Variants in APOL4 observed in about 807,000 individuals in gnomAD.
APOL4 encodes apolipoprotein L, 4.
Under a neutral mutation model 12.1 loss-of-function variants are expected in APOL4, and 14 were observed. That is an observed-to-expected ratio of 1.16 (90% CI 0.76 to 1.81). The LOEUF (loss-of-function observed/expected upper bound fraction) is 1.81. Ranked by LOEUF, APOL4 falls within the 40% of genes most tolerant of loss-of-function variation. The pLI, the probability that APOL4 is intolerant of heterozygous loss-of-function variation, is 0.00. For synonymous variants in APOL4, 171 were observed against 160.6 expected (o/e 1.06, Z -0.49); for missense variants, 432 against 423.1 (o/e 1.02, Z -0.18).
intron 3 of APOL4, among the ~76,000 whole-genome samples, 192 bp from the exon 4 acceptor site, chr22:36,192,104 G>T (rs1006930947): frequency 2.6e-5 from 4 of 152,216 alleles, no homozygotes; most frequent in African/African-American, 9.6e-5. Context: ...ACTTTGGGAG[G>T]CCGAGATGGG....
chr22:36,191,606 C>A lies in APOL4; in HGVS notation c.516G>T (p.Gly172=). The stretch of plus-strand genomic sequence containing the variant: ...TGGCAGATGCTATTCCCAGCCCTAC[C>A]CCAGCTGCAGTAATGCTCAGGCTCA... The part of the protein sequence containing the change: ...AGLSLSITAA[G]VGLGIASATA... The change falls in exon 4 of 4, where the codon GGG becomes GGT. Residue 172 remains glycine, a synonymous_variant. Coordinates refer to ENST00000683024, the MANE Select transcript of APOL4 (RefSeq NM_001386885.1). 3 of 1,613,560 alleles carry A rather than the reference C, an allele frequency of 1.9e-6. No homozygotes were observed. The highest frequency in any genetic ancestry group is 2.5e-6 in the Non-Finnish European group (3 of 1,179,664).
intron 2 of APOL4, 84 bp from the exon 3 acceptor site, chr22:36,195,521 T>A: frequency 6.7e-7 from 1 of 1,498,520 alleles, no homozygotes. Context: ...TCGGTGTTAA[T>A]CCTCCTGAAC....
In APOL4 at chr22:36,189,263, G is replaced by A. The variant is rs2014176744; in HGVS notation, c.*1812C>T. 6.6e-6 allele frequency: 1 copy of A among 152,136 alleles called. No homozygotes were observed. The highest frequency in any genetic ancestry group is 2.1e-4 in the South Asian group (1 of 4,834). The allele number at this position is 152,136 out of a possible 1,614,324, so 9.4% of individuals were successfully genotyped here. A position where few individuals can be genotyped will look rare whatever the true frequency, so the allele number is the denominator to read the frequency against. Reference sequence around the variant, plus strand: ...TCTTTGTCTACTATATATGAGCAACGAGACTTTTACTTGGTTGGTTCTCAG... The same window carrying A: ...TCTTTGTCTACTATATATGAGCAACAAGACTTTTACTTGGTTGGTTCTCAG... On this transcript the variant is annotated 3_prime_UTR_variant, in exon 4 of 4. Coordinates refer to ENST00000683024, the MANE Select transcript of APOL4 (RefSeq NM_001386885.1).
chr22:36,201,413 GAC>G (rs929750661), intron 1 of APOL4, among the ~76,000 whole-genome samples: 1 of 151,328 alleles, frequency 6.6e-6, no homozygotes, highest in Non-Finnish European at 1.5e-5. Flanking sequence ...TCAGGGTTCA[GAC>G]ACACAGATGT....
In APOL4 at chr22:36,190,270, G is replaced by A. The variant is rs962576279; in HGVS notation, c.*805C>T. 1 of 152,336 alleles carries A rather than the reference G, an allele frequency of 6.6e-6. No homozygotes were observed. The allele number at this position is 152,336 out of a possible 1,614,324, so 9.4% of individuals were successfully genotyped here. On this transcript the variant is annotated 3_prime_UTR_variant, in exon 4 of 4. Coordinates refer to ENST00000683024, the MANE Select transcript of APOL4 (RefSeq NM_001386885.1). The stretch of plus-strand genomic sequence containing the variant: ...TTCACAAGGTAATAGAATATCACAA[G>A]GCAAGTGGAGGCAGGGCGAGATCAC...
rs61730820 is a variant in APOL4, at chr22:36,191,167, C to G, written c.955G>C (p.Glu319Gln). The G allele has an allele frequency of 3.7e-6, 6 of 1,612,806 alleles. No homozygotes were observed. The highest frequency in any genetic ancestry group is 2.5e-6 in the Non-Finnish European group (3 of 1,179,400). The change falls in exon 4 of 4, where the codon GAG becomes CAG. Residue 319 changes from glutamate (E) to glutamine (Q), a missense_variant. By Grantham distance (29) the Glu-to-Gln change is conservative. Transcript: ENST00000683024. ...CACTGCCTCAGCGACTCAGCAGACT[C>G]GGATTTTGCCCCCTTGTGCAAGTCC... is the stretch of plus-strand genomic sequence containing the variant. Reference protein sequence around the residue: ...SLDLHKGAKSESAESLRQWAQ... With the variant: ...SLDLHKGAKSQSAESLRQWAQ...
rs2146934133 is a variant in APOL4, at chr22:36,191,295, C to T, written c.827G>A (p.Gly276Glu). ...TTTTCTCACTATCCGGGTGGGGGCCCCACGTGTTCTCAGTGTCTCAACAAC... is the reference window on the plus strand; with the variant it reads ...TTTTCTCACTATCCGGGTGGGGGCCTCACGTGTTCTCAGTGTCTCAACAAC... ...INVVETLRTRGAPTRIVRKVA... is the reference protein window; with the variant it reads ...INVVETLRTREAPTRIVRKVA... Residue 276 changes from glycine to glutamate, a missense_variant, in exon 4 of 4, where the codon GGG (glycine) becomes GAG (glutamate). Coordinates refer to ENST00000683024, the MANE Select transcript of APOL4 (RefSeq NM_001386885.1). The T allele has an allele frequency of 6.2e-7, 1 of 1,614,040 alleles. No individual in the cohort carries two copies.
At chr22:36,191,960 G>A in intron 3 of APOL4, 48 bp from the exon 4 acceptor site, 2 of 1,439,274 alleles carry the variant, frequency 1.4e-6, no homozygotes, top group Non-Finnish European at 9.3e-7. Context: ...TTACTTACCT[G>A]TAAAATGAGC....
chr22:36,197,005 G>A (rs2014429251), intron 2 of APOL4, among the ~76,000 whole-genome samples: 1 of 152,182 alleles, frequency 6.6e-6, no homozygotes, highest in African/African-American at 2.4e-5. Flanking sequence ...CCTCAGCACT[G>A]ATCCTTGTGG....
At position 36,190,477 on chromosome 22, in the gene APOL4, T is replaced by C. The variant is rs923327056; in HGVS notation, c.*598A>G. On this transcript the variant is annotated 3_prime_UTR_variant, in exon 4 of 4. Coordinates refer to ENST00000683024, the MANE Select transcript of APOL4 (RefSeq NM_001386885.1). The stretch of plus-strand genomic sequence containing the variant: ...CTATGGGAGACTGGGGTTTATTTCA[T>C]CCCTACAGTCTCGACCATAGAAGAT... 2 of 152,800 alleles carry C rather than the reference T, an allele frequency of 1.3e-5. No homozygotes were observed. Among genetic ancestry groups the C allele is most frequent in the African/African-American group, 4.8e-5 (2 of 41,438 alleles). 9.5% of individuals were successfully genotyped at this position (152,800 alleles called of 1,614,324 possible). A position where few individuals can be genotyped will look rare whatever the true frequency, so the allele number is the denominator to read the frequency against.
chr22:36,197,876 T>C (rs2014460105), intron 2 of APOL4: 1 of 1,520,370 alleles, frequency 6.6e-7, no homozygotes. Context: ...CAGTAAGATC[T>C]AACTCAGCAC....
rs760929730 is a variant in APOL4, at chr22:36,191,293, C to A, written c.829G>T (p.Ala277Ser). The change falls in exon 4 of 4, where the codon GCC becomes TCC. Residue 277 changes from alanine to serine, a missense_variant. By Grantham distance (99) the Ala-to-Ser change is moderately conservative. Transcript: ENST00000683024. Reference sequence around the variant, plus strand: ...ACTTTTCTCACTATCCGGGTGGGGGCCCCACGTGTTCTCAGTGTCTCAACA... The same window carrying A: ...ACTTTTCTCACTATCCGGGTGGGGGACCCACGTGTTCTCAGTGTCTCAACA... ...NVVETLRTRG[A>S]PTRIVRKVAR... The A allele has an allele frequency of 4.3e-6, 7 of 1,614,044 alleles. No homozygotes were observed. Among genetic ancestry groups the A allele is most frequent in the South Asian group, 1.1e-5 (1 of 91,084 alleles).
At chr22:36,198,780 C>T (rs1440483523) in intron 2 of APOL4, among the ~76,000 whole-genome samples, 5 of 152,222 alleles carry the variant, frequency 3.3e-5, no homozygotes, top group Admixed American at 2.0e-4. Context: ...ACAGAGGGGA[C>T]ATGGCCAAGA....
intron 2 of APOL4, chr22:36,197,328 C>G: frequency 3.8e-6 from 1 of 263,852 alleles, no homozygotes. Flanking sequence ...AGGAAGCCCT[C>G]CTGAGGAAAT....
chr22:36,201,912 G>C, upstream of APOL4: 1 of 1,610,316 alleles, frequency 6.2e-7, no homozygotes, highest in Non-Finnish European at 8.5e-7. Flanking sequence ...CATGGCTCCT[G>C]GCCCAGCCCA....
In APOL4 at chr22:36,190,197, A is replaced by T. The variant is rs553876489; in HGVS notation, c.*878T>A. On this transcript the variant is annotated 3_prime_UTR_variant, in exon 4 of 4. Coordinates refer to ENST00000683024, the MANE Select transcript of APOL4 (RefSeq NM_001386885.1). ...TTTTATTAGGGACTTTCAAAAGGGG[A>T]GGGAGTGTATGAATAGGGTGTGGGT... The T allele has an allele frequency of 8.2e-6, 1 of 122,478 alleles. No individual in the cohort carries two copies. Among genetic ancestry groups the T allele is most frequent in the Non-Finnish European group, 1.6e-5 (1 of 61,086 alleles). The allele number at this position is 122,478 out of a possible 1,614,324, so 7.6% of individuals were successfully genotyped here. A position where few individuals can be genotyped will look rare whatever the true frequency, so the allele number is the denominator to read the frequency against.
rs755512394 is a variant in APOL4 at position 36,199,330 on chromosome 22, C to T, written c.82G>A (p.Glu28Lys). Residue 28 changes from glutamate to lysine, a missense_variant and splice_region_variant, in exon 2 of 4, where the codon GAA becomes AAA. Transcript: ENST00000683024. Reference sequence around the variant, plus strand: ...GCAGCCAGGTCTCTGAAAGGCTTACCTTGGAACTGTCCAGCCACTGTCCAG... The same window carrying T: ...GCAGCCAGGTCTCTGAAAGGCTTACTTTGGAACTGTCCAGCCACTGTCCAG... ...PGWTVAGQFQ[E>K]KKRFTEEVIE... is the part of the protein sequence containing the mutation. The T allele has an allele frequency of 1.5e-5, 25 of 1,613,976 alleles. No individual in the cohort carries two copies. The highest frequency in any genetic ancestry group is 9.3e-6 in the Non-Finnish European group (11 of 1,179,940).
intron 1 of APOL4, among the ~76,000 whole-genome samples, chr22:36,201,066 G>A (rs1361856970): frequency 1.3e-5 from 2 of 151,956 alleles, no homozygotes. Flanking sequence ...CATAAAACTG[G>A]TGATAGAATG....
rs188907374 is a variant in APOL4, at chr22:36,197,378, C to T, written c.83-1941G>A. On this transcript the variant is annotated intron_variant, in intron 2 of 3. Transcript: ENST00000683024. ...TGAACGCAGTGCTGACTTGGCTGGGCGAGGGATTGTCTTGTTTTTTCTTTT... is the reference window on the plus strand; with the variant it reads ...TGAACGCAGTGCTGACTTGGCTGGGTGAGGGATTGTCTTGTTTTTTCTTTT... 5.4e-5 allele frequency: 21 copies of T among 391,480 alleles called. No homozygotes were observed. The Admixed American group carries it at 6.6e-4, about 12-fold the overall frequency. The allele number at this position is 391,480 out of a possible 1,614,324, so 24.3% of individuals were successfully genotyped here.
Sources: allele counts gnomAD v4.1 joint callset (sites outside exome capture counted in the v4.1 genomes callset), GRCh38; gene constraint gnomAD v4.1.1; transcripts MANE v1.5; gene names NCBI Gene and HGNC (gene_info 2026-07-23, HGNC 2026-07-21).